CASC3: variants seen among roughly 807,000 people sequenced by gnomAD.
The protein encoded by CASC3 is protein CASC3.
Under a neutral mutation model 80.5 loss-of-function variants are expected in CASC3, and 30 were observed. That is an observed-to-expected ratio of 0.37 (90% CI 0.28 to 0.51). The LOEUF is 0.51. Ranked by LOEUF, CASC3 falls within the 20% of genes least tolerant of loss-of-function variation. The pLI is 0.94. For synonymous variants in CASC3, 312 were observed against 333.6 expected (o/e 0.94, Z 0.70); for missense variants, 824 against 922.2 (o/e 0.89, Z 1.38).
chr17:40,149,948 A>G (rs1988958268), intron 3 of CASC3, among the ~76,000 whole-genome samples: 1 of 152,158 alleles, frequency 6.6e-6, no homozygotes, highest in African/African-American at 2.4e-5. Context: ...ATAGATAATA[A>G]TATTAAGTAC....
chr17:40,155,642 A>G (rs1181920637), intron 3 of CASC3, among the ~76,000 whole-genome samples: 1 of 152,194 alleles, frequency 6.6e-6, no homozygotes, highest in Non-Finnish European at 1.5e-5. Flanking sequence ...TGAAAGAGAC[A>G]TTGAGAATAA....
intron 3 of CASC3, among the ~76,000 whole-genome samples, chr17:40,147,662 G>A (rs1988894307): frequency 1.3e-5 from 2 of 151,996 alleles, no homozygotes; most frequent in African/African-American, 4.8e-5. Context: ...AGAAAAAGGA[G>A]TCAAAGGAAT....
Position 40,149,833 on chromosome 17 carries a change from G to A in CASC3, c.297+8226G>A, listed in dbSNP as rs185150521. The stretch of plus-strand genomic sequence containing the variant: ...ATCCTGGCTAACATGGTGAAACCCC[G>A]TCTCTACTAAAAATACAAAAAATTA... On this transcript the variant is annotated intron_variant, in intron 3 of 13. Transcript: ENST00000264645. Among the ~76,000 whole-genome samples, 583 of 151,872 alleles carry A rather than the reference G, an allele frequency of 3.8e-3. 1 individual carries two copies. Among genetic ancestry groups the A allele is most frequent in the African/African-American group, 0.014 (561 of 41,410 alleles).
chr17:40,154,792 G>C (rs1306321744), intron 3 of CASC3, among the ~76,000 whole-genome samples: 2 of 152,088 alleles, frequency 1.3e-5, no homozygotes, highest in Non-Finnish European at 2.9e-5. Flanking sequence ...TTACTCCTGT[G>C]TTTTCTTCTA....
Position 40,167,901 on chromosome 17 carries a change from C to T in CASC3, c.1703C>T (p.Pro568Leu). The T allele has an allele frequency of 6.2e-7, 1 of 1,614,186 alleles. No homozygotes were observed. Among genetic ancestry groups the T allele is most frequent in the Non-Finnish European group, 8.5e-7 (1 of 1,180,038 alleles). ...YTHGDSPAPLPPQGMLVQPGM... is the reference protein window; with the variant it reads ...YTHGDSPAPLLPQGMLVQPGM... ...CATGGTGACAGCCCTGCCCCGCTGCCTCCACAGGGCATGCTTGTGCAGCCA... is the reference window on the plus strand; with the variant it reads ...CATGGTGACAGCCCTGCCCCGCTGCTTCCACAGGGCATGCTTGTGCAGCCA... The change falls in exon 10 of 14, where the codon CCT (proline) becomes CTT (leucine). Residue 568 changes from proline (P) to leucine (L), a missense_variant. By Grantham distance (98) the Pro-to-Leu change is moderately conservative. This residue lies in a region of CASC3 where 464 missense variants were observed against 506.0 expected (regional missense o/e 0.92). Coordinates refer to ENST00000264645, the MANE Select transcript of CASC3 (RefSeq NM_007359.5).
chr17:40,141,162 C>T, intron 1 of CASC3, 45 bp from the exon 2 acceptor site: 2 of 1,591,874 alleles, frequency 1.3e-6, no homozygotes, highest in African/African-American at 1.3e-5. Context: ...GGCTCCCCAC[C>T]TCTGGAAATC....
intron 11 of CASC3, 193 bp downstream of exon 11, chr17:40,168,610 T>C: frequency 3.5e-6 from 2 of 577,010 alleles, no homozygotes; most frequent in Non-Finnish European, 6.1e-6. Context: ...CTTTATTCTT[T>C]TCAGTTTTTT....
intron 10 of CASC3, 23 bp from the exon 11 acceptor site, chr17:40,168,180 G>A: frequency 6.2e-7 from 1 of 1,604,508 alleles, no homozygotes; most frequent in Non-Finnish European, 8.5e-7. Context: ...TTATTTTTCA[G>A]TTTTTTTCTT....
chr17:40,153,898 A>G (rs1348195113), intron 3 of CASC3, among the ~76,000 whole-genome samples: 1 of 152,042 alleles, frequency 6.6e-6, no homozygotes, highest in Non-Finnish European at 1.5e-5. Flanking sequence ...ACATGGCGAA[A>G]CCTCGTCTCT....
intron 2 of CASC3, 76 bp from the exon 3 acceptor site, chr17:40,141,494 T>C: frequency 8.1e-7 from 1 of 1,229,314 alleles, no homozygotes; most frequent in Non-Finnish European, 1.2e-6. Flanking sequence ...AATGAGACTC[T>C]TAGTCTGACC....
chr17:40,156,147 T>C (rs17616879), intron 3 of CASC3, among the ~76,000 whole-genome samples: 2,389 of 152,170 alleles, frequency 0.016, 31 homozygotes, highest in Non-Finnish European at 0.024. Flanking sequence ...TTGTAATTTC[T>C]GCTTGAAAAT....
chr17:40,146,655 G>A (rs1988870231), intron 3 of CASC3, among the ~76,000 whole-genome samples: 1 of 151,878 alleles, frequency 6.6e-6, no homozygotes, highest in African/African-American at 2.4e-5. Context: ...GGACAGGCTG[G>A]TCTTGAACTC....
chr17:40,153,423 A>G (rs1349714245), intron 3 of CASC3, among the ~76,000 whole-genome samples: 1 of 151,816 alleles, frequency 6.6e-6, no homozygotes, highest in Non-Finnish European at 1.5e-5. Context: ...GCTTATTTCC[A>G]TCTTTTGGTT....
intron 7 of CASC3, among the ~76,000 whole-genome samples, chr17:40,164,750 CTT>C (rs1022035416): frequency 4.0e-5 from 3 of 74,454 alleles, no homozygotes; most frequent in African/African-American, 6.8e-5. Context: ...CGTGCCTGGC[CTT>C]TTTTTTTTTT....
Position 40,171,173 on chromosome 17 carries a change from T to C in CASC3, c.*768T>C, listed in dbSNP as rs1210926295. On this transcript the variant is annotated 3_prime_UTR_variant, in exon 14 of 14. Transcript: ENST00000264645. ...ACTTAGGTTTTTAGGAGTCTGAGCA[T>C]CCATCAATACCTGTACTATGATGGG... 3 of 985,922 alleles carry C rather than the reference T, an allele frequency of 3.0e-6. No individual in the cohort carries two copies. Among genetic ancestry groups the C allele is most frequent in the Non-Finnish European group, 3.6e-6 (3 of 829,972 alleles). The allele number at this position is 985,922 out of a possible 1,614,324, so 61.1% of individuals were successfully genotyped here. A position where few individuals can be genotyped will look rare whatever the true frequency, so the allele number is the denominator to read the frequency against.
Position 40,164,181 on chromosome 17 carries a change from A to AT in CASC3, c.1471+17dup, listed in dbSNP as rs1296627524. ...GGAACTTCGAGGTAGGTATCATAGG[A>AT]TTGGTGGCTAGCTTTTTCCCCTTTG... On this transcript the variant is annotated intron_variant, in intron 7 of 13. Transcript: ENST00000264645. The AT allele has an allele frequency of 1.9e-6, 3 of 1,571,434 alleles. No homozygotes were observed. The highest frequency in any genetic ancestry group is 2.6e-6 in the Non-Finnish European group (3 of 1,162,490).
rs768305986 is a variant in CASC3, at chr17:40,140,566, G to C, written c.18G>C (p.Arg6=). MADRR[R]QRASQDTEDE... is the part of the protein sequence containing the mutation. Reference sequence around the variant, plus strand: ...TCCGTAAGATGGCGGACCGGCGGCGGCAGCGCGCTTCGCAAGACACCGAGG... The same window carrying C: ...TCCGTAAGATGGCGGACCGGCGGCGCCAGCGCGCTTCGCAAGACACCGAGG... The change falls in exon 1 of 14, where the codon CGG becomes CGC. Residue 6 remains arginine, a synonymous_variant. Coordinates refer to ENST00000264645, the MANE Select transcript of CASC3 (RefSeq NM_007359.5). 6 of 1,608,190 alleles carry C rather than the reference G, an allele frequency of 3.7e-6. No homozygotes were observed. The highest frequency in any genetic ancestry group is 4.2e-6 in the Non-Finnish European group (5 of 1,179,644).
Position 40,163,964 on chromosome 17 carries a change from G to A in CASC3, c.1269G>A (p.Glu423=). The A allele has an allele frequency of 1.2e-6, 2 of 1,614,074 alleles. No homozygotes were observed. The highest frequency in any genetic ancestry group is 1.6e-4 in the Middle Eastern group (1 of 6,062). The change falls in exon 7 of 14, where the codon GAG becomes GAA. Residue 423 remains glutamate (E), a synonymous_variant. Transcript: ENST00000264645. ...GAGATGCAGTCAAGCTTGCAGAGGA[G>A]GTGCCCCCTCCTCCTGAAGGACTGA... is the stretch of plus-strand genomic sequence containing the variant. ...KVGDAVKLAE[E]VPPPPEGLIP...
At chr17:40,153,250 C>T (rs1348341203) in intron 3 of CASC3, among the ~76,000 whole-genome samples, 1 of 151,992 alleles carries the variant, frequency 6.6e-6, no homozygotes, top group African/African-American at 2.4e-5. Context: ...GGTTATCTTT[C>T]TGTGTCTAGC....
Sources: allele counts gnomAD v4.1 joint callset (sites outside exome capture counted in the v4.1 genomes callset), GRCh38; gene constraint gnomAD v4.1.1; regional missense constraint gnomAD v4.1.1; transcripts MANE v1.5; gene names NCBI Gene and HGNC (gene_info 2026-07-23, HGNC 2026-07-21).